Variants in STK32B observed in about 807,000 individuals in gnomAD.
STK32B encodes the protein serine/threonine kinase 32B.
Under a neutral mutation model 52.6 loss-of-function variants are expected in STK32B, and 43 were observed. That is an observed-to-expected ratio of 0.82 (90% CI 0.64 to 1.05). The LOEUF is 1.05. STK32B is among the 50% of genes least tolerant of loss of function. The pLI is 0.00. For synonymous variants in STK32B, 238 were observed against 204.3 expected (o/e 1.17, Z -1.41); for missense variants, 621 against 534.6 (o/e 1.16, Z -1.59).
intron 2 of STK32B, among the ~76,000 whole-genome samples, chr4:5,154,074 C>G (rs1234266817): frequency 3.3e-5 from 5 of 151,792 alleles, no homozygotes; most frequent in Non-Finnish European, 7.4e-5. Context: ...GGTATATTAC[C>G]CAATATCAAG....
intron 1 of STK32B, among the ~76,000 whole-genome samples, chr4:5,123,525 T>G (rs1715185178): frequency 6.6e-6 from 1 of 152,144 alleles, no homozygotes; most frequent in Admixed American, 6.5e-5. Context: ...ATTTATTTCT[T>G]GTAGTTCTGG....
intron 3 of STK32B, among the ~76,000 whole-genome samples, chr4:5,247,122 C>T (rs1001180632): frequency 3.3e-5 from 5 of 152,202 alleles, no homozygotes; most frequent in African/African-American, 1.2e-4. Context: ...ACATTTAAGA[C>T]TGCAGAGGTT....
At chr4:5,253,438 G>A (rs1273819103) in intron 3 of STK32B, among the ~76,000 whole-genome samples, 2 of 152,042 alleles carry the variant, frequency 1.3e-5, no homozygotes, top group African/African-American at 4.8e-5. Flanking sequence ...GCAGTGGCAC[G>A]ATCTCAGCTC....
chr4:5,477,408 T>A (rs1718326318), intron 11 of STK32B, among the ~76,000 whole-genome samples: 1 of 152,138 alleles, frequency 6.6e-6, no homozygotes, highest in Non-Finnish European at 1.5e-5. Context: ...CTCAAATGCC[T>A]CATTTTCTGT....
chr4:5,296,205 G>A (rs1215939949), intron 3 of STK32B, among the ~76,000 whole-genome samples: 2 of 152,140 alleles, frequency 1.3e-5, no homozygotes, highest in African/African-American at 2.4e-5. Flanking sequence ...TTTAGAATAA[G>A]TGTGATGTGA....
At chr4:5,318,721 C>T (rs1731283651) in intron 3 of STK32B, among the ~76,000 whole-genome samples, 1 of 152,106 alleles carries the variant, frequency 6.6e-6, no homozygotes, top group African/African-American at 2.4e-5. Context: ...CTCAGGATGA[C>T]CAGAGCAAAG....
At chr4:5,462,314 CTGTG>C (rs959126251) in intron 9 of STK32B, among the ~76,000 whole-genome samples, 4 of 150,266 alleles carry the variant, frequency 2.7e-5, no homozygotes, top group African/African-American at 9.8e-5. Context: ...GCTTGTGTGT[CTGTG>C]TGTCTGTATG....
intron 3 of STK32B, among the ~76,000 whole-genome samples, chr4:5,309,547 G>A (rs1730153481): frequency 6.6e-6 from 1 of 152,104 alleles, no homozygotes; most frequent in Admixed American, 6.6e-5. Context: ...ATAGACCAAT[G>A]GAGCAGAATA....
At chr4:5,234,005 G>A (rs1040276310) in intron 3 of STK32B, among the ~76,000 whole-genome samples, 2 of 152,012 alleles carry the variant, frequency 1.3e-5, no homozygotes, top group Non-Finnish European at 2.9e-5. Context: ...ACTCCCTCTT[G>A]CCCTGACCTG....
At chr4:5,405,128 AGT>A (rs1478423380) in intron 5 of STK32B, among the ~76,000 whole-genome samples, 3 of 151,832 alleles carry the variant, frequency 2.0e-5, no homozygotes, top group Middle Eastern at 3.2e-3. Flanking sequence ...GGCCTCCCAA[AGT>A]GGGGATTTTC....
At chr4:5,420,180 C>T (rs16837185) in intron 6 of STK32B, among the ~76,000 whole-genome samples, 1,660 of 152,278 alleles carry the variant, frequency 0.011, 27 homozygotes, top group African/African-American at 0.037. Context: ...CTCCAAAACC[C>T]AAGCTCTGAA....
chr4:5,269,152 G>A, intron 3 of STK32B, among the ~76,000 whole-genome samples: 1 of 152,246 alleles, frequency 6.6e-6, no homozygotes, highest in South Asian at 2.1e-4. Context: ...TATGAAGAGG[G>A]CTTGCCTGGA....
At chr4:5,363,560 T>A (rs111742157) in intron 4 of STK32B, among the ~76,000 whole-genome samples, 132 of 152,190 alleles carry the variant, frequency 8.7e-4, no homozygotes, top group Non-Finnish European at 1.4e-3. Context: ...TGCTTTTTTT[T>A]AGAAATTACA....
At chr4:5,190,539 G>A (rs1271068386) in intron 3 of STK32B, among the ~76,000 whole-genome samples, 1 of 152,190 alleles carries the variant, frequency 6.6e-6, no homozygotes, top group Non-Finnish European at 1.5e-5. Flanking sequence ...CACCTACTAT[G>A]TACTGGGCAC....
chr4:5,449,583 G>T (rs932921860), intron 7 of STK32B, among the ~76,000 whole-genome samples: 1 of 152,206 alleles, frequency 6.6e-6, no homozygotes, highest in Non-Finnish European at 1.5e-5. Flanking sequence ...CTGGGGCTGG[G>T]TACTGGCCTG....
intron 6 of STK32B, among the ~76,000 whole-genome samples, chr4:5,437,740 A>C (rs995355389): frequency 2.6e-5 from 4 of 152,202 alleles, no homozygotes; most frequent in Non-Finnish European, 5.9e-5. Context: ...TTAAAGAGGT[A>C]ATATAGTCCT....
At chr4:5,084,825 C>G (rs1286654231) in intron 1 of STK32B, among the ~76,000 whole-genome samples, 2 of 152,072 alleles carry the variant, frequency 1.3e-5, no homozygotes, top group Non-Finnish European at 2.9e-5. Flanking sequence ...TTAAAGACAA[C>G]CTTTAATGCT....
intron 1 of STK32B, among the ~76,000 whole-genome samples, chr4:5,095,490 C>G (rs1484753223): frequency 6.6e-6 from 1 of 152,118 alleles, no homozygotes; most frequent in African/African-American, 2.4e-5. Context: ...TGGCACATGC[C>G]TGTAGTCCCA....
chr4:5,065,954 C>A (rs945291928), intron 1 of STK32B, among the ~76,000 whole-genome samples: 1 of 152,078 alleles, frequency 6.6e-6, no homozygotes, highest in Non-Finnish European at 1.5e-5. Flanking sequence ...AAACTCCTGG[C>A]CTCAAGTGAT....
Sources: allele counts gnomAD v4.1 joint callset (sites outside exome capture counted in the v4.1 genomes callset), GRCh38; gene constraint gnomAD v4.1.1; transcripts MANE v1.5; gene names NCBI Gene and HGNC (gene_info 2026-07-23, HGNC 2026-07-21).